The following GDA variants were observed in gnomAD, a reference collection of about 807,000 sequenced individuals.
GDA encodes the protein guanine deaminase.
A neutral mutation model predicts 59.6 loss-of-function variants in GDA; 18 were observed. The observed-to-expected ratio is 0.30, with a 90% CI of 0.21 to 0.45. GDA has a LOEUF of 0.45. GDA is among the 20% of genes least tolerant of loss of function. The probability of loss-of-function intolerance (pLI) is 1.00; values close to 1 mark genes in which losing one functional copy is unlikely to be tolerated. For synonymous variants in GDA, 201 were observed against 201.1 expected (o/e 1.00, Z 0.00); for missense variants, 427 against 552.3 (o/e 0.77, Z 2.27).
intron 3 of GDA, among the ~76,000 whole-genome samples, chr9:72,209,234 T>C (rs1472167982): frequency 6.6e-6 from 1 of 152,072 alleles, no homozygotes; most frequent in Non-Finnish European, 1.5e-5. Context: ...GAGATGAATA[T>C]TATTTTTCAT....
chr9:72,259,523 T>C (rs1840918035), downstream of GDA, among the ~76,000 whole-genome samples: 3 of 152,156 alleles, frequency 2.0e-5, no homozygotes, highest in South Asian at 4.1e-4. Context: ...GTGGTGCCTT[T>C]TGAAGCCATG....
At chr9:72,183,990 C>T (rs1246064956) in intron 1 of GDA, among the ~76,000 whole-genome samples, 1 of 152,152 alleles carries the variant, frequency 6.6e-6, no homozygotes, top group Non-Finnish European at 1.5e-5. Flanking sequence ...CACTTTGCAA[C>T]ATAAGCATTA....
intron 9 of GDA, among the ~76,000 whole-genome samples, chr9:72,230,477 A>G (rs1199639408): frequency 1.4e-5 from 2 of 140,798 alleles, no homozygotes; most frequent in Non-Finnish European, 3.1e-5. Flanking sequence ...GATGACAGAG[A>G]CAGACTCTGT....
At chr9:72,254,775 C>T (rs972661735), downstream of GDA, among the ~76,000 whole-genome samples, 3 of 152,166 alleles carry the variant, frequency 2.0e-5, no homozygotes, top group Admixed American at 1.3e-4. Context: ...ATAATCCAAG[C>T]GAGAATTCTG....
At chr9:72,207,243 CTCTT>C (rs756544210) in intron 3 of GDA, among the ~76,000 whole-genome samples, 4 of 152,178 alleles carry the variant, frequency 2.6e-5, no homozygotes, top group African/African-American at 4.8e-5. Flanking sequence ...CTCTTTCTCT[CTCTT>C]TCTGAGTATA....
At chr9:72,231,348 G>A (rs902412988) in intron 10 of GDA, among the ~76,000 whole-genome samples, 167 bp downstream of exon 10, 8 of 151,910 alleles carry the variant, frequency 5.3e-5, no homozygotes, top group Non-Finnish European at 8.8e-5. Flanking sequence ...AGGCTGAGGC[G>A]GGTGGATCAT....
chr9:72,187,358 T>C (rs549641612), intron 1 of GDA, among the ~76,000 whole-genome samples: 26 of 152,162 alleles, frequency 1.7e-4, no homozygotes, highest in African/African-American at 6.3e-4. Context: ...CAGTGAGTTG[T>C]TATAAAATGA....
chr9:72,256,185 GT>G (rs1403617291), downstream of GDA, among the ~76,000 whole-genome samples: 1 of 152,118 alleles, frequency 6.6e-6, no homozygotes, highest in Non-Finnish European at 1.5e-5. Context: ...TAATTAGTTG[GT>G]TTTTTGAAAG....
intron 1 of GDA, among the ~76,000 whole-genome samples, chr9:72,156,701 A>T (rs1035698073): frequency 1.3e-5 from 2 of 152,186 alleles, no homozygotes; most frequent in African/African-American, 4.8e-5. Flanking sequence ...CAGCCTGTGG[A>T]TACATCATGG....
intron 1 of GDA, among the ~76,000 whole-genome samples, chr9:72,132,504 G>A (rs923925773): frequency 1.3e-5 from 2 of 152,146 alleles, no homozygotes; most frequent in African/African-American, 2.4e-5. Flanking sequence ...GGGAAGACTT[G>A]TTTGGCATGT....
intron 3 of GDA, among the ~76,000 whole-genome samples, chr9:72,203,836 A>C (rs1366637259): frequency 6.7e-6 from 1 of 149,752 alleles, no homozygotes; most frequent in African/African-American, 2.5e-5. Context: ...TTTTTTTTGG[A>C]GACAGAGTCT....
intron 1 of GDA, among the ~76,000 whole-genome samples, chr9:72,178,725 G>A (rs528279914): frequency 2.6e-5 from 4 of 152,144 alleles, no homozygotes; most frequent in East Asian, 3.9e-4. Context: ...GCCTGGAATC[G>A]ATTTTTATGG....
intron 3 of GDA, among the ~76,000 whole-genome samples, chr9:72,203,980 C>A (rs1187805891): frequency 6.6e-6 from 1 of 152,028 alleles, no homozygotes; most frequent in African/African-American, 2.4e-5. Context: ...CCACACCCAG[C>A]TAATTTTTCT....
intron 1 of GDA, among the ~76,000 whole-genome samples, chr9:72,150,127 C>G (rs1373204224): frequency 6.6e-6 from 1 of 152,120 alleles, no homozygotes; most frequent in African/African-American, 2.4e-5. Context: ...AGGAGGGGGT[C>G]ATTTGATTGA....
intron 1 of GDA, among the ~76,000 whole-genome samples, chr9:72,150,345 A>G (rs1333481273): frequency 1.3e-5 from 2 of 151,930 alleles, no homozygotes; most frequent in African/African-American, 4.8e-5. Flanking sequence ...ACGCACGCAC[A>G]CACACACACA....
chr9:72,177,577 A>C (rs1830690195), intron 1 of GDA, among the ~76,000 whole-genome samples: 1 of 152,124 alleles, frequency 6.6e-6, no homozygotes, highest in South Asian at 2.1e-4. Context: ...ATACTTTTGC[A>C]AAAGAAAAAA....
chr9:72,175,410 A>C (rs556374715), intron 1 of GDA, among the ~76,000 whole-genome samples: 3 of 152,322 alleles, frequency 2.0e-5, no homozygotes, highest in Admixed American at 2.0e-4. Flanking sequence ...ATGTGGTCTC[A>C]TTCTCTGGAA....
intron 1 of GDA, among the ~76,000 whole-genome samples, chr9:72,120,254 C>T (rs1380545462): frequency 6.6e-6 from 1 of 150,908 alleles, no homozygotes; most frequent in African/African-American, 2.4e-5. Context: ...GTGGCACGAT[C>T]TCGGCTCACT....
intron 1 of GDA, among the ~76,000 whole-genome samples, chr9:72,127,648 A>G (rs1825892545): frequency 6.6e-6 from 1 of 151,942 alleles, no homozygotes; most frequent in African/African-American, 2.4e-5. Flanking sequence ...AAAAAAAAAA[A>G]AAAAGAAAGA....
Sources: gnomAD v4.1 joint callset for allele counts (sites outside exome capture counted in the v4.1 genomes callset) on GRCh38, gnomAD v4.1.1 for gene constraint, MANE v1.5 for transcripts, NCBI Gene and HGNC (gene_info 2026-07-23, HGNC 2026-07-21) for gene names.